GRIN2B: variants seen among roughly 807,000 people sequenced by gnomAD.
The protein encoded by GRIN2B is glutamate ionotropic receptor NMDA type subunit 2B.
Under a neutral mutation model 114.5 loss-of-function variants are expected in GRIN2B, and 5 were observed. The ratio of observed to expected loss-of-function variants is 0.04; its 90% CI spans 0.02 to 0.09. The LOEUF is 0.09. Among genes scored for constraint, GRIN2B ranks in the 10% least tolerant of loss-of-function variants. The pLI is 1.00. For synonymous variants in GRIN2B, 787 were observed against 745.1 expected (o/e 1.06, Z -0.92); for missense variants, 1,108 against 1,943.5 (o/e 0.57, Z 8.08).
chr12:13,706,914 C>A (rs1050423221), intron 4 of GRIN2B, among the ~76,000 whole-genome samples: 2 of 152,032 alleles, frequency 1.3e-5, no homozygotes, highest in Non-Finnish European at 2.9e-5. Context: ...CTTCCTCCTC[C>A]TCTCAGGAAC....
chr12:13,571,890 A>G lies in GRIN2B; in HGVS notation c.2085T>C (p.Ile695=). Residue 695 remains isoleucine, a synonymous_variant, in exon 11 of 14, where the codon ATT becomes ATC. Transcript: ENST00000609686. Reference sequence around the variant, plus strand: ...CATGCATTTCTGCATAGTTATTGCGAATATTTCTCTCTGTGCTGCCGTTGG... The same window carrying G: ...CATGCATTTCTGCATAGTTATTGCGGATATTTCTCTCTGTGCTGCCGTTGG... ...TVPNGSTERN[I]RNNYAEMHAY... 6.2e-7 allele frequency: 1 copy of G among 1,614,180 alleles called. No individual in the cohort carries two copies. Among genetic ancestry groups the G allele is most frequent in the Non-Finnish European group, 8.5e-7 (1 of 1,180,016 alleles).
intron 5 of GRIN2B, among the ~76,000 whole-genome samples, chr12:13,642,117 A>G (rs1949723011): frequency 1.3e-5 from 2 of 152,106 alleles, no homozygotes; most frequent in Admixed American, 6.6e-5. Flanking sequence ...TTAATCCAGA[A>G]GCAGATGTTG....
rs545318693 is a variant in GRIN2B, at chr12:13,692,968, A to T, written c.1011-17109T>A. Among the ~76,000 whole-genome samples, 14 of 151,520 alleles carry T rather than the reference A, an allele frequency of 9.2e-5. 1 individual carries two copies. The highest frequency in any genetic ancestry group is 3.4e-4 in the African/African-American group (14 of 41,300). ...TTTTTAGTAGAGATGGGGTTGCTCCATGTTGGTCAGGCTGGTCCCAAACTC... is the reference window on the plus strand; with the variant it reads ...TTTTTAGTAGAGATGGGGTTGCTCCTTGTTGGTCAGGCTGGTCCCAAACTC... On this transcript the variant is annotated intron_variant, in intron 4 of 13. Transcript: ENST00000609686.
At chr12:13,578,855 GAATAATAAGAA>G (rs1948809807) in intron 10 of GRIN2B, among the ~76,000 whole-genome samples, 1 of 37,328 alleles carries the variant, frequency 2.7e-5, no homozygotes, top group South Asian at 1.6e-3. Flanking sequence ...ACCGAGACCT[GAATAATAAGAA>G]AGAACCAGAC....
chr12:13,665,166 TTTGTGTG>T (rs1949962316), intron 5 of GRIN2B, among the ~76,000 whole-genome samples: 1 of 26,076 alleles, frequency 3.8e-5, no homozygotes, highest in Non-Finnish European at 1.1e-4. Flanking sequence ...TGTGTGTGTG[TTTGTGTG>T]TGTGTGTGTG....
At chr12:13,899,455 G>T (rs1866408487) in intron 2 of GRIN2B, among the ~76,000 whole-genome samples, 1 of 106,830 alleles carries the variant, frequency 9.4e-6, no homozygotes, top group African/African-American at 2.7e-5. Flanking sequence ...TGTAAGCCAT[G>T]TTCAACCCAA....
intron 2 of GRIN2B, among the ~76,000 whole-genome samples, chr12:13,913,093 TC>T (rs1416205989): frequency 6.6e-6 from 1 of 152,124 alleles, no homozygotes; most frequent in Non-Finnish European, 1.5e-5. Flanking sequence ...AAAGCTACTG[TC>T]CCATGTGAAA....
At chr12:13,878,330 C>T (rs1256326460) in intron 2 of GRIN2B, among the ~76,000 whole-genome samples, 3 of 152,202 alleles carry the variant, frequency 2.0e-5, no homozygotes, top group Non-Finnish European at 2.9e-5. Flanking sequence ...AAGCAATCCT[C>T]TCCTCATGAC....
intron 5 of GRIN2B, among the ~76,000 whole-genome samples, chr12:13,623,626 T>C (rs576504392): frequency 3.3e-5 from 5 of 152,360 alleles, no homozygotes; most frequent in African/African-American, 9.6e-5. Flanking sequence ...CCATTTTCTA[T>C]TGAGTTGTTT....
chr12:13,579,949 A>G (rs914356641), intron 10 of GRIN2B, among the ~76,000 whole-genome samples: 3 of 152,182 alleles, frequency 2.0e-5, no homozygotes, highest in Admixed American at 6.5e-5. Flanking sequence ...CGTTAACATC[A>G]ATTTACACCA....
rs767605704 is a variant in GRIN2B at position 13,560,966 on chromosome 12, C to T, written c.*1817G>A. 5.3e-5 allele frequency: 8 copies of T among 152,246 alleles called. No homozygotes were observed. Among genetic ancestry groups the T allele is most frequent in the Non-Finnish European group, 7.3e-5 (5 of 68,156 alleles). The allele number at this position is 152,246 out of a possible 1,614,324, so 9.4% of individuals were successfully genotyped here. ...TCTGGTTTATGTGTCCTGTGTGCAA[C>T]ATGGCGATCCTGCAGTCAAGCTTCC... On this transcript the variant is annotated 3_prime_UTR_variant, in exon 14 of 14. Coordinates refer to ENST00000609686, the MANE Select transcript of GRIN2B (RefSeq NM_000834.5).
intron 3 of GRIN2B, among the ~76,000 whole-genome samples, chr12:13,783,736 A>G (rs1171940914): frequency 6.6e-6 from 1 of 152,132 alleles, no homozygotes; most frequent in Non-Finnish European, 1.5e-5. Flanking sequence ...TCAGAGGAAA[A>G]GAGTGTGATG....
intron 5 of GRIN2B, among the ~76,000 whole-genome samples, chr12:13,665,303 A>C (rs1949964019): frequency 6.6e-6 from 1 of 152,002 alleles, no homozygotes; most frequent in South Asian, 2.1e-4. Context: ...TAATCACAGA[A>C]AAATGTTACA....
intron 5 of GRIN2B, among the ~76,000 whole-genome samples, chr12:13,650,044 C>A (rs1949799490): frequency 6.6e-6 from 1 of 152,032 alleles, no homozygotes; most frequent in Non-Finnish European, 1.5e-5. Flanking sequence ...CCCTGCACTG[C>A]CCAGGCTCCT....
chr12:13,808,697 A>G (rs1864661779), intron 3 of GRIN2B, among the ~76,000 whole-genome samples: 1 of 149,392 alleles, frequency 6.7e-6, no homozygotes, highest in Admixed American at 6.7e-5. Flanking sequence ...TACATATGTA[A>G]CAAACCTGCA....
intron 10 of GRIN2B, among the ~76,000 whole-genome samples, chr12:13,589,029 A>G (rs1402974154): frequency 6.6e-6 from 1 of 152,192 alleles, no homozygotes; most frequent in Non-Finnish European, 1.5e-5. Flanking sequence ...AACGTCTCAC[A>G]AGGTAGGGTT....
At chr12:13,763,251 C>T (rs1863715275) in intron 3 of GRIN2B, among the ~76,000 whole-genome samples, 1 of 152,160 alleles carries the variant, frequency 6.6e-6, no homozygotes, top group Admixed American at 6.5e-5. Flanking sequence ...AAGTACTGTC[C>T]TCACCGACAC....
intron 3 of GRIN2B, among the ~76,000 whole-genome samples, chr12:13,754,613 G>T (rs1863546283): frequency 6.6e-6 from 1 of 152,166 alleles, no homozygotes. Context: ...ATCACATTTA[G>T]TTTGCTCTCT....
At chr12:13,870,444 C>T (rs528114337) in intron 2 of GRIN2B, among the ~76,000 whole-genome samples, 34 of 152,182 alleles carry the variant, frequency 2.2e-4, no homozygotes, top group African/African-American at 7.5e-4. Context: ...GCCACAGGAG[C>T]TTATCTTCAT....
Sources: allele counts gnomAD v4.1 joint callset (sites outside exome capture counted in the v4.1 genomes callset), GRCh38; gene constraint gnomAD v4.1.1; transcripts MANE v1.5; gene names NCBI Gene and HGNC (gene_info 2026-07-23, HGNC 2026-07-21).